ESRRG: variants seen among roughly 807,000 people sequenced by gnomAD.
The protein encoded by ESRRG is estrogen-related receptor gamma.
In ESRRG, 13 loss-of-function variants were observed where a neutral mutation model predicts 44.0. The observed-to-expected ratio is 0.30, with a 90% CI of 0.19 to 0.47. The LOEUF is 0.47. Among genes scored for constraint, ESRRG ranks in the 20% least tolerant of loss-of-function variants. The pLI is 1.00. For missense variants in ESRRG, 395 were observed against 580.6 expected (o/e 0.68, Z 3.29); for synonymous variants, 215 against 214.6 (o/e 1.00, Z -0.02).
At chr1:216,603,920 C>T (rs1031364163) in intron 3 of ESRRG, among the ~76,000 whole-genome samples, 2 of 130,170 alleles carry the variant, frequency 1.5e-5, no homozygotes, top group African/African-American at 3.0e-5. Context: ...GCGACAGAGA[C>T]TCTGAATCAA....
chr1:216,864,279 T>C (rs1008667145), intron 2 of ESRRG: 3 of 151,226 alleles, frequency 2.0e-5, no homozygotes, highest in Non-Finnish European at 4.4e-5. Context: ...TCTGCTTTTA[T>C]AGCTTTTGAT....
intron 3 of ESRRG, among the ~76,000 whole-genome samples, chr1:216,640,156 A>G (rs927870256): frequency 1.3e-5 from 2 of 152,042 alleles, no homozygotes; most frequent in African/African-American, 2.4e-5. Context: ...AGGTCCTGAT[A>G]TTTGTTCTAG....
intron 1 of ESRRG, among the ~76,000 whole-genome samples, chr1:216,977,043 T>A (rs1337759711): frequency 6.6e-6 from 1 of 152,072 alleles, no homozygotes; most frequent in Non-Finnish European, 1.5e-5. Context: ...CATAAAAGAG[T>A]GAAAGCCAGT....
intron 1 of ESRRG, chr1:216,686,148 G>A (rs1404189850): frequency 6.6e-6 from 1 of 152,150 alleles, no homozygotes; most frequent in African/African-American, 2.4e-5. Flanking sequence ...GTGATCTATA[G>A]CAGAGGTGAC....
intron 1 of ESRRG, among the ~76,000 whole-genome samples, chr1:216,997,289 T>A (rs1197048921): frequency 2.0e-5 from 3 of 152,208 alleles, no homozygotes; most frequent in Non-Finnish European, 2.9e-5. Context: ...ACCAAAACAC[T>A]TGGCCTCTCA....
At chr1:217,105,000 C>G (rs552275248) in intron 1 of ESRRG, among the ~76,000 whole-genome samples, 62 of 152,264 alleles carry the variant, frequency 4.1e-4, no homozygotes, top group Non-Finnish European at 7.2e-4. Flanking sequence ...TTCAGTTGGA[C>G]AGTTAAGGGC....
chr1:216,882,763 T>G (rs1365637399), intron 2 of ESRRG, among the ~76,000 whole-genome samples: 2 of 152,180 alleles, frequency 1.3e-5, no homozygotes, highest in African/African-American at 4.8e-5. Flanking sequence ...TAAAGTAGCA[T>G]TAAAAATGAT....
chr1:216,749,758 A>G (rs1210421355), intron 2 of ESRRG, among the ~76,000 whole-genome samples: 2 of 152,138 alleles, frequency 1.3e-5, no homozygotes, highest in African/African-American at 4.8e-5. Context: ...ATAATTACGC[A>G]AAGGAGAAAA....
intron 2 of ESRRG, among the ~76,000 whole-genome samples, chr1:216,762,281 A>C (rs1426027654): frequency 2.0e-5 from 3 of 152,010 alleles, no homozygotes; most frequent in African/African-American, 7.2e-5. Context: ...CATTATTCAC[A>C]ATAGCAAAGA....
chr1:216,779,827 T>G (rs1405924119), intron 2 of ESRRG, among the ~76,000 whole-genome samples: 2 of 151,588 alleles, frequency 1.3e-5, no homozygotes, highest in East Asian at 3.9e-4. Flanking sequence ...ATTTGGGGAA[T>G]GACCTTGGAC....
intron 1 of ESRRG, among the ~76,000 whole-genome samples, chr1:217,081,218 A>ATTC (rs2091736827): frequency 3.1e-5 from 1 of 32,748 alleles, no homozygotes. Context: ...AGATAAAAAT[A>ATTC]TTCTTTTTTT....
chr1:216,846,777 A>G (rs1358659792), intron 2 of ESRRG, among the ~76,000 whole-genome samples: 1 of 152,132 alleles, frequency 6.6e-6, no homozygotes, highest in African/African-American at 2.4e-5. Context: ...CCCAATTAAC[A>G]TTCCTCAAAA....
intron 1 of ESRRG, among the ~76,000 whole-genome samples, chr1:216,682,724 G>GTGTGTGTGTGTGTGTGTGTGTGTA (rs2077235306): frequency 6.6e-6 from 1 of 151,684 alleles, no homozygotes; most frequent in Non-Finnish European, 1.5e-5. Context: ...GTGTGTGTGT[G>GTGTGTGTGTGTGTGTGTGTGTGTA]TGTGTGTGTG....
intron 1 of ESRRG, among the ~76,000 whole-genome samples, chr1:217,118,667 G>T (rs2092772088): frequency 6.6e-6 from 1 of 152,136 alleles, no homozygotes; most frequent in Non-Finnish European, 1.5e-5. Flanking sequence ...CACAGTTAAT[G>T]TGGGGTTAAG....
At chr1:216,776,489 C>G (rs183510104) in intron 2 of ESRRG, among the ~76,000 whole-genome samples, 162 of 152,184 alleles carry the variant, frequency 1.1e-3, no homozygotes, top group Non-Finnish European at 2.0e-3. Context: ...CATTCCTTCA[C>G]TGGACTTCAT....
At chr1:216,729,661 C>T (rs930340524) in intron 2 of ESRRG, among the ~76,000 whole-genome samples, 3 of 152,124 alleles carry the variant, frequency 2.0e-5, no homozygotes, top group Non-Finnish European at 4.4e-5. Flanking sequence ...TTAACTGATT[C>T]TGCTGACTCT....
chr1:216,980,477 G>T (rs2073765134), intron 1 of ESRRG, among the ~76,000 whole-genome samples: 1 of 152,108 alleles, frequency 6.6e-6, no homozygotes, highest in Non-Finnish European at 1.5e-5. Flanking sequence ...AGATTTTCCA[G>T]AAATCTATCT....
At chr1:217,056,884 C>CCT (rs776387045) in intron 1 of ESRRG, among the ~76,000 whole-genome samples, 63 of 151,944 alleles carry the variant, frequency 4.1e-4, no homozygotes, top group Non-Finnish European at 4.7e-4. Flanking sequence ...CATTGGGTAT[C>CCT]GATGGACCTG....
chr1:216,951,757 G>GTGTGTA (rs2067000139), intron 1 of ESRRG, among the ~76,000 whole-genome samples: 1 of 131,312 alleles, frequency 7.6e-6, no homozygotes, highest in African/African-American at 2.9e-5. Flanking sequence ...GTGTGTGTGT[G>GTGTGTA]TATACAGCAA....
Sources: gnomAD v4.1 joint callset for allele counts (sites outside exome capture counted in the v4.1 genomes callset) on GRCh38, gnomAD v4.1.1 for gene constraint, MANE v1.5 for transcripts, NCBI Gene and HGNC (gene_info 2026-07-23, HGNC 2026-07-21) for gene names.